The following VEGFC variants were observed in gnomAD, a reference collection of about 807,000 sequenced individuals.
VEGFC encodes the protein vascular endothelial growth factor C.
A neutral mutation model predicts 46.1 loss-of-function variants in VEGFC; 12 were observed. That is an observed-to-expected ratio of 0.26 (90% CI 0.17 to 0.42). The LOEUF (loss-of-function observed/expected upper bound fraction) is 0.42, where lower values mean the gene tolerates loss of function less well. Ranked by LOEUF, VEGFC falls within the 10% of genes least tolerant of loss-of-function variation. VEGFC has a pLI of 1.00. For synonymous variants in VEGFC, 232 were observed against 195.5 expected (o/e 1.19, Z -1.56); for missense variants, 488 against 529.4 (o/e 0.92, Z 0.77).
intron 1 of VEGFC, among the ~76,000 whole-genome samples, chr4:176,756,796 G>C (rs1735439990): frequency 6.6e-6 from 1 of 152,114 alleles, no homozygotes; most frequent in East Asian, 1.9e-4. Flanking sequence ...GAAAAAGATA[G>C]GACAATTAGG....
At chr4:176,708,609 GC>G (rs1734574687) in intron 4 of VEGFC, among the ~76,000 whole-genome samples, 1 of 151,994 alleles carries the variant, frequency 6.6e-6, no homozygotes, top group Admixed American at 6.6e-5. Flanking sequence ...TTAGTTTTAT[GC>G]TTATACATAA....
chr4:176,732,250 A>G (rs545487165), intron 1 of VEGFC, among the ~76,000 whole-genome samples: 26 of 152,066 alleles, frequency 1.7e-4, no homozygotes, highest in Middle Eastern at 3.4e-3. Context: ...AAATATAAAT[A>G]ATACATATTG....
chr4:176,699,292 A>G (rs1734383047), intron 4 of VEGFC, among the ~76,000 whole-genome samples: 1 of 152,222 alleles, frequency 6.6e-6, no homozygotes, highest in Admixed American at 6.5e-5. Flanking sequence ...ACAAGCTCTC[A>G]TGCATTCCTT....
At chr4:176,707,091 G>A (rs1392726089) in intron 4 of VEGFC, among the ~76,000 whole-genome samples, 2 of 152,102 alleles carry the variant, frequency 1.3e-5, no homozygotes, top group Non-Finnish European at 2.9e-5. Flanking sequence ...ACATTGCTCA[G>A]CAATGTTCCA....
intron 1 of VEGFC, among the ~76,000 whole-genome samples, chr4:176,737,293 A>G: frequency 6.8e-6 from 1 of 146,306 alleles, no homozygotes; most frequent in East Asian, 2.0e-4. Context: ...ATATATATAG[A>G]ATATGTTTAT....
chr4:176,723,732 G>A (rs564831035), intron 3 of VEGFC, among the ~76,000 whole-genome samples: 3 of 149,162 alleles, frequency 2.0e-5, no homozygotes, highest in Non-Finnish European at 4.4e-5. Flanking sequence ...GGGTGCATGT[G>A]CAGGTTTGTG....
chr4:176,713,204 A>C (rs1298442536), intron 3 of VEGFC, among the ~76,000 whole-genome samples: 1 of 152,176 alleles, frequency 6.6e-6, no homozygotes, highest in Non-Finnish European at 1.5e-5. Flanking sequence ...TCACTATGTG[A>C]CCTCAACATA....
At chr4:176,738,272 G>A (rs1735089102) in intron 1 of VEGFC, among the ~76,000 whole-genome samples, 1 of 151,994 alleles carries the variant, frequency 6.6e-6, no homozygotes, top group Non-Finnish European at 1.5e-5. Flanking sequence ...GCACAAAGCT[G>A]GAGGCATCAC....
intron 1 of VEGFC, among the ~76,000 whole-genome samples, chr4:176,757,132 TAACA>T (rs1375819004): frequency 6.6e-6 from 1 of 152,060 alleles, no homozygotes; most frequent in East Asian, 1.9e-4. Flanking sequence ...CAGAGTATGT[TAACA>T]GGTGATGGAA....
At chr4:176,763,323 A>G (rs1294972090) in intron 1 of VEGFC, among the ~76,000 whole-genome samples, 1 of 151,840 alleles carries the variant, frequency 6.6e-6, no homozygotes, top group Non-Finnish European at 1.5e-5. Flanking sequence ...ATTATACAAC[A>G]TAATCTCACC....
At chr4:176,721,814 G>C (rs923564325) in intron 3 of VEGFC, among the ~76,000 whole-genome samples, 14 of 152,098 alleles carry the variant, frequency 9.2e-5, no homozygotes, top group African/African-American at 2.7e-4. Flanking sequence ...AAGTCACAAG[G>C]TTGAGTGGAC....
In VEGFC at chr4:176,697,693, T is replaced by C. The variant is rs1701399848; in HGVS notation, c.705-9766A>G. Among the ~76,000 whole-genome samples the C allele has an allele frequency of 2.0e-5, 3 of 151,896 alleles. No individual in the cohort carries two copies. The South Asian group carries it at 6.3e-4, about 32-fold the overall frequency. On this transcript the variant is annotated intron_variant, in intron 4 of 6. Transcript: ENST00000618562. The stretch of plus-strand genomic sequence containing the variant: ...ATAAAGACACATGCACACGTATGTT[T>C]ATTGCGGCATTATTCACGATAGCAA...
chr4:176,721,286 A>C (rs1451906821), intron 3 of VEGFC, among the ~76,000 whole-genome samples: 1 of 152,222 alleles, frequency 6.6e-6, no homozygotes, highest in East Asian at 1.9e-4. Flanking sequence ...CATTTGTACC[A>C]ATCAATCTGA....
intron 1 of VEGFC, among the ~76,000 whole-genome samples, chr4:176,777,011 C>T (rs1269340815): frequency 1.3e-5 from 2 of 152,070 alleles, no homozygotes; most frequent in Non-Finnish European, 2.9e-5. Flanking sequence ...GTTTTAACTT[C>T]ACTGAACATT....
chr4:176,689,573 T>C (rs1319134044), intron 4 of VEGFC: 2 of 152,206 alleles, frequency 1.3e-5, no homozygotes, highest in Non-Finnish European at 2.9e-5. Context: ...TTGTCCTCCA[T>C]CCACCCATCA....
intron 4 of VEGFC, among the ~76,000 whole-genome samples, chr4:176,690,506 G>C (rs1029134543): frequency 1.3e-5 from 2 of 151,638 alleles, no homozygotes; most frequent in Admixed American, 1.3e-4. Flanking sequence ...AATAATTTTA[G>C]GAATTCCAAG....
At chr4:176,734,220 T>C (rs1317462107) in intron 1 of VEGFC, among the ~76,000 whole-genome samples, 1 of 151,798 alleles carries the variant, frequency 6.6e-6, no homozygotes, top group African/African-American at 2.4e-5. Context: ...GCTTTATGTT[T>C]TTATACATAA....
At chr4:176,738,398 C>T (rs1009724140) in intron 1 of VEGFC, among the ~76,000 whole-genome samples, 1 of 151,982 alleles carries the variant, frequency 6.6e-6, no homozygotes, top group African/African-American at 2.4e-5. Context: ...AATAAAGCCA[C>T]ACACCTACAA....
At chr4:176,787,456 CAAAAA>C (rs11456080) in intron 1 of VEGFC, among the ~76,000 whole-genome samples, 1 of 114,294 alleles carries the variant, frequency 8.7e-6, no homozygotes. Context: ...GACCCTGTCT[CAAAAA>C]AAAAAAAAAA....
Sources: gnomAD v4.1 joint callset for allele counts (sites outside exome capture counted in the v4.1 genomes callset) on GRCh38, gnomAD v4.1.1 for gene constraint, MANE v1.5 for transcripts, NCBI Gene and HGNC (gene_info 2026-07-23, HGNC 2026-07-21) for gene names.